The following ANKIB1 variants were observed in gnomAD, a reference collection of about 807,000 sequenced individuals.
The protein encoded by ANKIB1 is ankyrin repeat and IBR domain-containing protein 1.
A neutral mutation model predicts 122.1 loss-of-function variants in ANKIB1; 43 were observed. That is an observed-to-expected ratio of 0.35 (90% confidence interval 0.28 to 0.45). ANKIB1 has a LOEUF of 0.45. Among genes scored for constraint, ANKIB1 ranks in the 20% least tolerant of loss-of-function variants. The pLI is 1.00. For synonymous variants in ANKIB1, 390 were observed against 442.0 expected, an observed-to-expected ratio of 0.88 and a Z score of 1.48; for missense variants, 992 against 1,329.5, an observed-to-expected ratio of 0.75 and a Z score of 3.95.
rs559228068 is a variant in ANKIB1 at position 92,395,699 on chromosome 7, G to T, written c.2284-666G>T. On this transcript the variant is annotated intron_variant, in intron 17 of 19. Transcript: ENST00000265742. ...GATTACAGGTGCCACCACCACGCCC[G>T]GCTAATTTTTTGTATTTTTAGTAGA... 8.6e-5 allele frequency among the ~76,000 whole-genome samples: 13 copies of T among 151,754 alleles called. No homozygotes were observed. The East Asian group carries it at 1.6e-3, about 18-fold the overall frequency.
chr7:92,284,528 C>T (rs183814442), intron 1 of ANKIB1, among the ~76,000 whole-genome samples: 1 of 152,216 alleles, frequency 6.6e-6, no homozygotes, highest in Admixed American at 6.5e-5. Context: ...ACTAGTTTGC[C>T]AGTGTTTGAC....
chr7:92,285,033 G>T (rs1405275549), intron 1 of ANKIB1, among the ~76,000 whole-genome samples: 3 of 152,148 alleles, frequency 2.0e-5, no homozygotes, highest in Admixed American at 6.6e-5. Flanking sequence ...TATGAGTGGA[G>T]GTTTTATGGT....
intron 3 of ANKIB1, among the ~76,000 whole-genome samples, chr7:92,311,500 C>G (rs186431230): frequency 1.8e-4 from 28 of 152,048 alleles, no homozygotes; most frequent in African/African-American, 6.0e-4. Flanking sequence ...TTAAGGCCAG[C>G]CTGTTTCTTG....
chr7:92,381,210 G>T (rs959468182), intron 11 of ANKIB1, among the ~76,000 whole-genome samples: 1 of 152,124 alleles, frequency 6.6e-6, no homozygotes, highest in African/African-American at 2.4e-5. Context: ...AAAAAGAAAT[G>T]AACGAAGCCT....
intron 1 of ANKIB1, among the ~76,000 whole-genome samples, chr7:92,279,299 C>G (rs962315072): frequency 1.3e-5 from 2 of 152,190 alleles, no homozygotes; most frequent in Non-Finnish European, 2.9e-5. Flanking sequence ...AAAGGGAGTC[C>G]AGAATCCAGT....
rs377410816 is a variant in ANKIB1 at position 92,294,693 on chromosome 7, G to C, written c.-90-196G>C. 2.6e-5 allele frequency among the ~76,000 whole-genome samples: 4 copies of C among 152,232 alleles called. 1 individual carries two copies. On this transcript the variant is annotated intron_variant, in intron 1 of 19. Transcript: ENST00000265742. Reference sequence around the variant, plus strand: ...AGTCTCTGTGTGGGAAAGTGTTAAAGTTTAACAATAAGTTAATTTGGACAG... The same window carrying C: ...AGTCTCTGTGTGGGAAAGTGTTAAACTTTAACAATAAGTTAATTTGGACAG...
At chr7:92,325,731 T>G (rs1803013348) in intron 4 of ANKIB1, among the ~76,000 whole-genome samples, 1 of 152,180 alleles carries the variant, frequency 6.6e-6, no homozygotes, top group African/African-American at 2.4e-5. Flanking sequence ...TCATAACTTC[T>G]TTATGTGACA....
intron 1 of ANKIB1, among the ~76,000 whole-genome samples, chr7:92,293,236 G>A (rs774352045): frequency 6.6e-6 from 1 of 152,174 alleles, no homozygotes; most frequent in Non-Finnish European, 1.5e-5. Context: ...ATGAGATGTA[G>A]TTTGGTCAGT....
At chr7:92,326,023 A>G (rs1402340934) in intron 4 of ANKIB1, 2 of 418,614 alleles carry the variant, frequency 4.8e-6, no homozygotes, top group Non-Finnish European at 4.7e-6. Flanking sequence ...TTTCATTTTA[A>G]TCTGTCTTGC....
At chr7:92,253,239 T>C (rs1030644492) in intron 1 of ANKIB1, among the ~76,000 whole-genome samples, 2 of 152,240 alleles carry the variant, frequency 1.3e-5, no homozygotes, top group Non-Finnish European at 2.9e-5. Flanking sequence ...GGCTTTGCAT[T>C]AGCCTGAATA....
intron 11 of ANKIB1, among the ~76,000 whole-genome samples, chr7:92,379,902 G>A (rs1804472336): frequency 6.6e-6 from 1 of 152,172 alleles, no homozygotes; most frequent in South Asian, 2.1e-4. Context: ...GTCGGGAAGT[G>A]GGTGCAGCAC....
At chr7:92,317,954 G>A (rs751059270) in intron 3 of ANKIB1, among the ~76,000 whole-genome samples, 5 of 152,120 alleles carry the variant, frequency 3.3e-5, no homozygotes, top group African/African-American at 4.8e-5. Context: ...ATTTCACTTC[G>A]ATTTATATGA....
At chr7:92,344,796 GGTA>G (rs1458917610) in intron 6 of ANKIB1, among the ~76,000 whole-genome samples, 179 bp from the exon 7 acceptor site, 1 of 152,074 alleles carries the variant, frequency 6.6e-6, no homozygotes, top group Non-Finnish European at 1.5e-5. Flanking sequence ...TTTATAGTGA[GGTA>G]GTCATGGTAT....
intron 2 of ANKIB1, among the ~76,000 whole-genome samples, chr7:92,299,197 T>G (rs1236074733): frequency 6.6e-6 from 1 of 152,236 alleles, no homozygotes; most frequent in Non-Finnish European, 1.5e-5. Context: ...TACCTTCAGC[T>G]CAACAACTTC....
chr7:92,295,241 G>A, intron 2 of ANKIB1, 75 bp downstream of exon 2: 1 of 1,126,686 alleles, frequency 8.9e-7, no homozygotes, highest in South Asian at 2.7e-5. Flanking sequence ...TGAAAAAAAA[G>A]GAACTATGAT....
Position 92,336,823 on chromosome 7 carries a change from A to G in ANKIB1, c.788-6201A>G, listed in dbSNP as rs201551561. Among the ~76,000 whole-genome samples, 8 of 151,966 alleles carry G rather than the reference A, an allele frequency of 5.3e-5. No individual in the cohort carries two copies. In the East Asian group the frequency reaches 1.2e-3, roughly 22 times the overall value. Reference sequence around the variant, plus strand: ...TTTGTCAGACATTAACTCCCCTCCAATTTCTGCCTGCTTTTGGTTGCTCTC... The same window carrying G: ...TTTGTCAGACATTAACTCCCCTCCAGTTTCTGCCTGCTTTTGGTTGCTCTC... On this transcript the variant is annotated intron_variant, in intron 5 of 19. Coordinates refer to ENST00000265742, the MANE Select transcript of ANKIB1 (RefSeq NM_019004.2).
chr7:92,377,076 G>C (rs1400057783), intron 11 of ANKIB1, among the ~76,000 whole-genome samples: 1 of 152,166 alleles, frequency 6.6e-6, no homozygotes, highest in Non-Finnish European at 1.5e-5. Context: ...ACTGACACAA[G>C]AAGCCTAGCT....
chr7:92,344,193 G>GTTTTTTTTTTT (rs67933063), intron 6 of ANKIB1, among the ~76,000 whole-genome samples: 1 of 97,676 alleles, frequency 1.0e-5, no homozygotes, highest in Non-Finnish European at 2.0e-5. Flanking sequence ...TGTGTTTTTG[G>GTTTTTTTTTTT]TTTTTTTTTT....
intron 4 of ANKIB1, among the ~76,000 whole-genome samples, chr7:92,321,408 A>T (rs1043612352): frequency 6.6e-6 from 1 of 152,128 alleles, no homozygotes; most frequent in Non-Finnish European, 1.5e-5. Context: ...AGGACCTATC[A>T]CATGCTATAA....
Sources: allele counts gnomAD v4.1 joint callset (sites outside exome capture counted in the v4.1 genomes callset), GRCh38; gene constraint gnomAD v4.1.1; transcripts MANE v1.5; gene names NCBI Gene and HGNC (gene_info 2026-07-23, HGNC 2026-07-21).